Variants in ENPP2 observed in about 807,000 individuals in gnomAD.
ENPP2 encodes the protein autotaxin.
A neutral mutation model predicts 120.2 loss-of-function variants in ENPP2; 51 were observed. The observed-to-expected ratio is 0.42, with a 90% confidence interval of 0.34 to 0.54. The LOEUF (loss-of-function observed/expected upper bound fraction) is 0.54, where lower values mean the gene tolerates loss of function less well. Among genes scored for constraint, ENPP2 ranks in the 20% least tolerant of loss-of-function variants. The pLI is 0.04. For missense variants in ENPP2, 920 were observed against 1,066.5 expected (o/e 0.86, Z 1.91); for synonymous variants, 365 against 366.4 (o/e 1.00, Z 0.04).
intron 1 of ENPP2, among the ~76,000 whole-genome samples, chr8:119,647,808 C>T (rs1251770271): frequency 3.3e-5 from 5 of 151,984 alleles, no homozygotes; most frequent in Admixed American, 6.6e-5. Flanking sequence ...AGATCGATGC[C>T]GACCTGGCCA....
intron 23 of ENPP2, among the ~76,000 whole-genome samples, chr8:119,563,665 C>T (rs1814156252): frequency 6.6e-6 from 1 of 151,984 alleles, no homozygotes; most frequent in South Asian, 2.1e-4. Flanking sequence ...ATTCATAATT[C>T]CTTGCCTGGT....
intron 13 of ENPP2, among the ~76,000 whole-genome samples, chr8:119,587,625 C>T (rs944320695): frequency 2.6e-5 from 4 of 152,170 alleles, no homozygotes; most frequent in Admixed American, 6.5e-5. Flanking sequence ...TAGACACACA[C>T]GTGCATGCAC....
At chr8:119,669,114 T>C (rs1818165924) in intron 1 of ENPP2, among the ~76,000 whole-genome samples, 1 of 152,226 alleles carries the variant, frequency 6.6e-6, no homozygotes, top group Non-Finnish European at 1.5e-5. Context: ...ATTATGCCTT[T>C]ATAGATATCA....
intron 8 of ENPP2, among the ~76,000 whole-genome samples, chr8:119,613,148 C>A (rs1815230422): frequency 6.6e-6 from 1 of 152,060 alleles, no homozygotes; most frequent in East Asian, 1.9e-4. Context: ...GAGAGAATTT[C>A]CAAAGAAACC....
intron 20 of ENPP2, 71 bp downstream of exon 20, chr8:119,570,634 G>T: frequency 1.3e-6 from 1 of 794,916 alleles, no homozygotes. Context: ...ATTCTGTTAA[G>T]CAAGGAATCA....
chr8:119,632,081 G>A (rs995895957), intron 2 of ENPP2, among the ~76,000 whole-genome samples: 10 of 152,282 alleles, frequency 6.6e-5, no homozygotes, highest in Admixed American at 4.6e-4. Context: ...TGTACCTGAC[G>A]TAATGTCAAA....
chr8:119,593,642 G>T, intron 12 of ENPP2, 110 bp downstream of exon 12: 1 of 695,124 alleles, frequency 1.4e-6, no homozygotes. Flanking sequence ...AGAAAGCGGG[G>T]ATGAGGTTAA....
rs1262730155 is a variant in ENPP2 at position 119,557,625 on chromosome 8, T to C, written c.2488A>G (p.Ile830Val). Residue 830 changes from isoleucine (I) to valine (V), a missense_variant, in exon 25 of 25, where the codon ATT (isoleucine) becomes GTT (valine). Ile to Val is a conservative substitution (Grantham distance 29). Coordinates refer to ENST00000075322, the MANE Select transcript of ENPP2 (RefSeq NM_001040092.3). The stretch of plus-strand genomic sequence containing the variant: ...AAGTCCAGGCTGGTGAGATGTTCAA[T>C]GTCACGCACCCTAGCTGTGTGCATC... ...MKMHTARVRD[I>V]EHLTSLDFFR... The C allele has an allele frequency of 1.9e-6, 3 of 1,611,402 alleles. No individual in the cohort carries two copies. The highest frequency in any genetic ancestry group is 1.7e-5 in the Admixed American group (1 of 59,760).
chr8:119,630,017 T>G (rs550363666), intron 2 of ENPP2, among the ~76,000 whole-genome samples: 2 of 152,168 alleles, frequency 1.3e-5, no homozygotes, highest in Non-Finnish European at 2.9e-5. Flanking sequence ...TAAAGGCAAT[T>G]TGTTTACAGA....
chr8:119,591,645 A>G (rs1813515303), intron 12 of ENPP2, among the ~76,000 whole-genome samples: 1 of 152,202 alleles, frequency 6.6e-6, no homozygotes, highest in Non-Finnish European at 1.5e-5. Flanking sequence ...ATAAGGAAAT[A>G]CAACCCAGAG....
chr8:119,583,848 G>A (rs186998505), intron 16 of ENPP2, 44 bp from the exon 17 acceptor site: 4 of 1,417,694 alleles, frequency 2.8e-6, no homozygotes, highest in Non-Finnish European at 4.0e-6. Flanking sequence ...GCATTGTTAG[G>A]TAGGAACCCT....
At chr8:119,609,285 C>T (rs923440804) in intron 8 of ENPP2, among the ~76,000 whole-genome samples, 3 of 152,144 alleles carry the variant, frequency 2.0e-5, no homozygotes, top group Admixed American at 2.0e-4. Context: ...GCTACTGTAG[C>T]TGGCAAATGA....
intron 1 of ENPP2, among the ~76,000 whole-genome samples, chr8:119,662,281 T>C (rs1817943297): frequency 6.6e-6 from 1 of 152,232 alleles, no homozygotes; most frequent in Non-Finnish European, 1.5e-5. Context: ...CAAAACATCA[T>C]GTTGTATCTC....
At chr8:119,644,624 A>C (rs1817384432) in intron 1 of ENPP2, among the ~76,000 whole-genome samples, 1 of 97,846 alleles carries the variant, frequency 1.0e-5, no homozygotes, top group African/African-American at 3.9e-5. Flanking sequence ...ATATATATAT[A>C]TACACACACA....
At chr8:119,648,774 C>T (rs1475435709) in intron 1 of ENPP2, among the ~76,000 whole-genome samples, 1 of 152,202 alleles carries the variant, frequency 6.6e-6, no homozygotes, top group African/African-American at 2.4e-5. Flanking sequence ...CTAACATCAT[C>T]ATATTTAATG....
At chr8:119,644,080 C>T (rs568083568) in intron 1 of ENPP2, among the ~76,000 whole-genome samples, 1 of 152,036 alleles carries the variant, frequency 6.6e-6, no homozygotes, top group African/African-American at 2.4e-5. Context: ...GTGGGGCCTC[C>T]GAGGTCATGT....
At position 119,654,341 on chromosome 8, in the gene ENPP2, T is replaced by A. The variant is rs1384125872; in HGVS notation, c.22-15814A>T. On this transcript the variant is annotated intron_variant, in intron 1 of 25. Coordinates refer to the ENPP2 transcript ENST00000427067. ...ATATATAATTATATATAGAGATATA[T>A]CTCTGTATAATATTTAATATATAAT... 4.9e-5 allele frequency among the ~76,000 whole-genome samples: 7 copies of A among 143,198 alleles called. No individual in the cohort carries two copies. In the East Asian group the frequency reaches 1.4e-3, roughly 28 times the overall value. 93.9% of individuals were successfully genotyped at this position (143,198 alleles called of 152,430 possible).
chr8:119,597,691 A>C (rs1382497156), intron 11 of ENPP2, among the ~76,000 whole-genome samples: 1 of 152,216 alleles, frequency 6.6e-6, no homozygotes, highest in Non-Finnish European at 1.5e-5. Flanking sequence ...CAGAAAAAGC[A>C]TAGAAGGTCA....
intron 8 of ENPP2, among the ~76,000 whole-genome samples, chr8:119,608,851 G>A (rs368103664): frequency 6.6e-6 from 1 of 152,054 alleles, no homozygotes; most frequent in Non-Finnish European, 1.5e-5. Context: ...GCAAACACTC[G>A]ATAAATTTAC....
Sources: gnomAD v4.1 joint callset for allele counts (sites outside exome capture counted in the v4.1 genomes callset) on GRCh38, gnomAD v4.1.1 for gene constraint, MANE v1.5 for transcripts, NCBI Gene and HGNC (gene_info 2026-07-23, HGNC 2026-07-21) for gene names.